Variants in NTM observed in about 807,000 individuals in gnomAD.
The protein encoded by NTM is neurotrimin.
Under a neutral mutation model 42.1 loss-of-function variants are expected in NTM, and 13 were observed. The ratio of observed to expected loss-of-function variants is 0.31; its 90% CI spans 0.20 to 0.49. The LOEUF is 0.49. Among genes scored for constraint, NTM ranks in the 20% least tolerant of loss-of-function variants. The pLI is 0.99. For synonymous variants in NTM, 187 were observed against 179.2 expected, an observed-to-expected ratio of 1.04 and a Z score of -0.35; for missense variants, 373 against 452.8, an observed-to-expected ratio of 0.82 and a Z score of 1.60.
intron 2 of NTM, among the ~76,000 whole-genome samples, chr11:132,128,937 C>CAAAAAA (rs66598841): frequency 1.5e-5 from 1 of 66,084 alleles, no homozygotes; most frequent in Non-Finnish European, 2.6e-5. Context: ...GACACCATCT[C>CAAAAAA]AAAAAAAAAA....
intron 4 of NTM, among the ~76,000 whole-genome samples, chr11:132,256,625 T>A (rs148691551): frequency 8.6e-4 from 130 of 150,954 alleles, no homozygotes; most frequent in African/African-American, 2.4e-3. Flanking sequence ...GCTCTCGCTC[T>A]GTTGGTTGAT....
chr11:131,758,258 C>T (rs2083599625), intron 1 of NTM, among the ~76,000 whole-genome samples: 2 of 151,888 alleles, frequency 1.3e-5, no homozygotes, highest in East Asian at 3.9e-4. Flanking sequence ...TTCTGTCTTC[C>T]CCCTCCCCCC....
intron 1 of NTM, among the ~76,000 whole-genome samples, chr11:131,576,568 C>A (rs182068079): frequency 5.9e-5 from 9 of 152,246 alleles, no homozygotes; most frequent in South Asian, 2.1e-4. Flanking sequence ...TCACACCAAC[C>A]CTTCAACGAC....
chr11:131,858,209 A>G (rs780260259), intron 1 of NTM, among the ~76,000 whole-genome samples: 1 of 151,690 alleles, frequency 6.6e-6, no homozygotes, highest in Non-Finnish European at 1.5e-5. Flanking sequence ...ATACTTTTTC[A>G]TTTCTTTTCA....
At chr11:132,149,529 G>C (rs142573418) in intron 3 of NTM, among the ~76,000 whole-genome samples, 2 of 152,196 alleles carry the variant, frequency 1.3e-5, no homozygotes, top group African/African-American at 4.8e-5. Context: ...ACAGAAGGAA[G>C]GTAGTGGCAT....
intron 4 of NTM, among the ~76,000 whole-genome samples, chr11:132,242,227 A>G (rs138390125): frequency 9.8e-5 from 15 of 152,288 alleles, no homozygotes; most frequent in African/African-American, 3.6e-4. Flanking sequence ...CTTGATTTGC[A>G]TTATCATCTT....
At chr11:131,430,730 G>A (rs1948578493) in intron 1 of NTM, among the ~76,000 whole-genome samples, 1 of 152,220 alleles carries the variant, frequency 6.6e-6, no homozygotes. Flanking sequence ...CAGCAGGGCT[G>A]ACAGGTCCTC....
intron 1 of NTM, among the ~76,000 whole-genome samples, chr11:131,754,056 C>T (rs187377107): frequency 0.012 from 1,706 of 143,608 alleles, 17 homozygotes; most frequent in Middle Eastern, 0.019. Flanking sequence ...ACCGCATGTT[C>T]TCACTCATAG....
chr11:131,734,615 G>C (rs990068596), intron 1 of NTM, among the ~76,000 whole-genome samples: 1 of 152,242 alleles, frequency 6.6e-6, no homozygotes, highest in East Asian at 1.9e-4. Context: ...CCCTGTGCTC[G>C]TATCGCCCTA....
intron 1 of NTM, among the ~76,000 whole-genome samples, chr11:131,890,771 C>A (rs748163774): frequency 2.0e-5 from 3 of 152,146 alleles, no homozygotes; most frequent in African/African-American, 7.2e-5. Flanking sequence ...GCCACCCGGA[C>A]GCATGCTAAG....
chr11:131,549,629 A>G (rs1215355314), intron 1 of NTM, among the ~76,000 whole-genome samples: 1 of 152,180 alleles, frequency 6.6e-6, no homozygotes, highest in Non-Finnish European at 1.5e-5. Flanking sequence ...CCAAGCCACA[A>G]GGGGCTGTGC....
intron 1 of NTM, among the ~76,000 whole-genome samples, chr11:131,839,931 T>G (rs1241734446): frequency 6.6e-6 from 1 of 152,154 alleles, no homozygotes; most frequent in Non-Finnish European, 1.5e-5. Flanking sequence ...ATTTGAGTAT[T>G]AGAGACAGGG....
chr11:132,014,736 G>GTTTTTTTTTTT (rs146527050), intron 2 of NTM, among the ~76,000 whole-genome samples: 8 of 84,016 alleles, frequency 9.5e-5, no homozygotes, highest in Non-Finnish European at 1.3e-4. Flanking sequence ...AGAATTACTT[G>GTTTTTTTTTTT]TTTTTTTTTT....
chr11:131,610,643 C>T (rs1327168068), intron 1 of NTM, among the ~76,000 whole-genome samples: 1 of 152,176 alleles, frequency 6.6e-6, no homozygotes, highest in Admixed American at 6.5e-5. Context: ...TCAGGAGAAG[C>T]TCCAGCCCCT....
At chr11:132,148,050 C>A (rs1473796545) in intron 3 of NTM, among the ~76,000 whole-genome samples, 1 of 152,096 alleles carries the variant, frequency 6.6e-6, no homozygotes, top group Non-Finnish European at 1.5e-5. Context: ...ACATGGGAAT[C>A]CTTGATGCTG....
At chr11:132,321,823 G>T (rs1448785219) in intron 7 of NTM, among the ~76,000 whole-genome samples, 22 of 149,672 alleles carry the variant, frequency 1.5e-4, no homozygotes, top group Non-Finnish European at 2.7e-4. Context: ...GACTAACAGC[G>T]GATCTCTCGG....
intron 1 of NTM, among the ~76,000 whole-genome samples, chr11:131,656,514 C>T (rs372853584): frequency 9.9e-5 from 15 of 152,210 alleles, no homozygotes; most frequent in African/African-American, 3.1e-4. Flanking sequence ...TGGGACTTGA[C>T]ATAGGTCCTT....
At chr11:131,430,120 ATGT>A (rs1948534040) in intron 1 of NTM, among the ~76,000 whole-genome samples, 1 of 152,210 alleles carries the variant, frequency 6.6e-6, no homozygotes, top group Admixed American at 6.5e-5. Flanking sequence ...AGCATCAACC[ATGT>A]TCACTCACAG....
intron 1 of NTM, among the ~76,000 whole-genome samples, chr11:131,401,806 A>ATATATATATATATATATATATATGTG (rs1170379788): frequency 2.2e-3 from 13 of 5,820 alleles, no homozygotes; most frequent in Non-Finnish European, 3.9e-3. Context: ...GGAAATATAT[A>ATATATATATATATATATATATATGTG]TATATATATA....
Sources: gnomAD v4.1 joint callset for allele counts (sites outside exome capture counted in the v4.1 genomes callset) on GRCh38, gnomAD v4.1.1 for gene constraint, MANE v1.5 for transcripts, NCBI Gene and HGNC (gene_info 2026-07-23, HGNC 2026-07-21) for gene names.